The following GABPA variants were observed in gnomAD, a reference collection of about 807,000 sequenced individuals.
The protein encoded by GABPA is GA-binding protein alpha chain.
Under a neutral mutation model 59.4 loss-of-function variants are expected in GABPA, and 4 were observed. The ratio of observed to expected loss-of-function variants is 0.07; its 90% CI spans 0.03 to 0.15. GABPA has a LOEUF of 0.15. Ranked by LOEUF, GABPA falls within the 10% of genes least tolerant of loss-of-function variation. The pLI, the probability that GABPA is intolerant of heterozygous loss-of-function variation, is 1.00. For synonymous variants in GABPA, 164 were observed against 183.1 expected (o/e 0.90, Z 0.84); for missense variants, 251 against 543.8 (o/e 0.46, Z 5.36).
intron 9 of GABPA, 71 bp from the exon 10 acceptor site, chr21:25,768,933 A>C (rs934334602): frequency 6.1e-6 from 6 of 985,670 alleles, no homozygotes; most frequent in African/African-American, 1.7e-5. Context: ...CTGCTTATGG[A>C]ATAGTCTGTA....
chr21:25,738,352 C>T (rs974754223), intron 1 of GABPA, among the ~76,000 whole-genome samples: 2 of 152,160 alleles, frequency 1.3e-5, no homozygotes, highest in African/African-American at 4.8e-5. Flanking sequence ...ATGTGAATAT[C>T]CTTTTCCTAT....
At chr21:25,762,080 TA>T (rs2146093604) in intron 6 of GABPA, among the ~76,000 whole-genome samples, 1 of 152,320 alleles carries the variant, frequency 6.6e-6, no homozygotes, top group African/African-American at 2.4e-5. Flanking sequence ...TACTGAACAC[TA>T]AAAGACATTG....
Position 25,735,069 on chromosome 21 carries a change from G to T in GABPA, c.-536G>T, listed in dbSNP as rs1174361422. ...AAGCCAAACAGGAGGAGGAAGTGGAGGGTAAGTGCTTCCGGGTCCCCTGGC... is the reference window on the plus strand; with the variant it reads ...AAGCCAAACAGGAGGAGGAAGTGGATGGTAAGTGCTTCCGGGTCCCCTGGC... On this transcript the variant is annotated 5_prime_UTR_variant, in exon 1 of 10. The change creates a new upstream start codon in the 5' untranslated region. Transcript: ENST00000400075. 1.8e-6 allele frequency: 2 copies of T among 1,103,790 alleles called. No homozygotes were observed. Among genetic ancestry groups the T allele is most frequent in the African/African-American group, 3.1e-5 (2 of 64,448 alleles). 68.4% of individuals were successfully genotyped at this position (1,103,790 alleles called of 1,614,324 possible).
chr21:25,741,681 T>A lies in GABPA; in HGVS notation c.77+6T>A. 6.3e-7 allele frequency: 1 copy of A among 1,587,658 alleles called. No homozygotes were observed. The highest frequency in any genetic ancestry group is 8.6e-7 in the Non-Finnish European group (1 of 1,164,536). ...GCAGAGTGCACAGAAGAAAGGTTGG[T>A]GTTTCTGAATTTATCATTTTTTTTC... is the stretch of plus-strand genomic sequence containing the variant. On this transcript the variant is annotated splice_donor_region_variant and intron_variant, in intron 2 of 9. Coordinates refer to ENST00000400075, the MANE Select transcript of GABPA (RefSeq NM_002040.4).
chr21:25,771,937 A>G lies in GABPA; in HGVS notation c.*2705A>G, dbSNP rs1721634624. The G allele has an allele frequency of 6.6e-6, 1 of 152,072 alleles. No individual in the cohort carries two copies. The highest frequency in any genetic ancestry group is 2.1e-4 in the South Asian group (1 of 4,832). 9.4% of individuals were successfully genotyped at this position (152,072 alleles called of 1,614,324 possible). A position where few individuals can be genotyped will look rare whatever the true frequency, so the allele number is the denominator to read the frequency against. ...ATTGACTGATCACAGTTATTTTTGT[A>G]TCAGTCTATGTTATTAGGAAAAATT... is the stretch of plus-strand genomic sequence containing the variant. On this transcript the variant is annotated 3_prime_UTR_variant, in exon 10 of 10. Coordinates refer to ENST00000400075, the MANE Select transcript of GABPA (RefSeq NM_002040.4).
intron 5 of GABPA, among the ~76,000 whole-genome samples, chr21:25,754,880 G>A: frequency 6.6e-6 from 1 of 150,854 alleles, no homozygotes; most frequent in South Asian, 2.1e-4. Context: ...GGTAAAACCT[G>A]TTTCTACTAA....
chr21:25,744,682 T>C (rs1226820297), intron 2 of GABPA, among the ~76,000 whole-genome samples: 1 of 150,792 alleles, frequency 6.6e-6, no homozygotes. Flanking sequence ...TTAGGAAGAA[T>C]ATACATTTTT....
rs2146113033 is a variant in GABPA, at chr21:25,771,330, C to T, written c.*2098C>T. On this transcript the variant is annotated 3_prime_UTR_variant, in exon 10 of 10. Coordinates refer to ENST00000400075, the MANE Select transcript of GABPA (RefSeq NM_002040.4). ...AATGAAAATTTTTTTCTCATCTATG[C>T]AATTCCCATATGGTTTTTTTTTAAA... The T allele has an allele frequency of 8.1e-6, 1 of 124,184 alleles. No homozygotes were observed. Among genetic ancestry groups the T allele is most frequent in the East Asian group, 2.2e-4 (1 of 4,538 alleles). 7.7% of individuals were successfully genotyped at this position (124,184 alleles called of 1,614,324 possible). A position where few individuals can be genotyped will look rare whatever the true frequency, so the allele number is the denominator to read the frequency against.
At chr21:25,767,929 A>G (rs960215846) in intron 9 of GABPA, among the ~76,000 whole-genome samples, 1 of 152,122 alleles carries the variant, frequency 6.6e-6, no homozygotes, top group Non-Finnish European at 1.5e-5. Context: ...AGTGACTTTT[A>G]TCCTGCTAAA....
At chr21:25,739,867 C>G (rs949534377) in intron 1 of GABPA, among the ~76,000 whole-genome samples, 1 of 152,194 alleles carries the variant, frequency 6.6e-6, no homozygotes, top group Non-Finnish European at 1.5e-5. Flanking sequence ...GTCCTCTCTC[C>G]TCGATCTCCC....
intron 7 of GABPA, among the ~76,000 whole-genome samples, chr21:25,763,532 T>C (rs188345066): frequency 4.6e-4 from 70 of 152,304 alleles, no homozygotes; most frequent in African/African-American, 1.6e-3. Flanking sequence ...GAATTTTATG[T>C]TTATTACTGT....
intron 4 of GABPA, 119 bp from the exon 5 acceptor site, chr21:25,751,870 A>G: frequency 1.0e-6 from 1 of 990,208 alleles, no homozygotes; most frequent in Non-Finnish European, 1.5e-6. Context: ...AACTTTTACT[A>G]CATTTGCTTT....
rs1393810208 is a variant in GABPA, at chr21:25,771,461, C to T, written c.*2229C>T. The T allele has an allele frequency of 1.3e-5, 2 of 151,296 alleles. No homozygotes were observed. The highest frequency in any genetic ancestry group is 2.4e-5 in the African/African-American group (1 of 41,224). The allele number at this position is 151,296 out of a possible 1,614,324, so 9.4% of individuals were successfully genotyped here. ...TCAGATGCTTTTTTTTTCTTCTTAC[C>T]ATCATTTATGCATGACATAGGTAAT... On this transcript the variant is annotated 3_prime_UTR_variant, in exon 10 of 10. Transcript: ENST00000400075.
chr21:25,744,805 G>C (rs2035319244), intron 2 of GABPA, among the ~76,000 whole-genome samples: 1 of 151,848 alleles, frequency 6.6e-6, no homozygotes, highest in East Asian at 1.9e-4. Flanking sequence ...TTTTATGTGG[G>C]GAAGGGAAAT....
intron 3 of GABPA, among the ~76,000 whole-genome samples, chr21:25,748,702 CAG>C (rs1461946310): frequency 6.6e-6 from 1 of 152,098 alleles, no homozygotes; most frequent in Non-Finnish European, 1.5e-5. Flanking sequence ...TTATTCATGA[CAG>C]ATATAGCATT....
chr21:25,754,607 T>C (rs1398606180), intron 5 of GABPA, among the ~76,000 whole-genome samples: 4 of 151,642 alleles, frequency 2.6e-5, no homozygotes, highest in Non-Finnish European at 5.9e-5. Context: ...TCTGAGTATA[T>C]TGATTATATA....
intron 6 of GABPA, 58 bp from the exon 7 acceptor site, chr21:25,762,254 A>G: frequency 1.2e-6 from 1 of 868,648 alleles, no homozygotes; most frequent in African/African-American, 1.7e-5. Context: ...GTTTTATTGG[A>G]TTGGGGTTTT....
intron 1 of GABPA, among the ~76,000 whole-genome samples, chr21:25,738,661 G>A (rs2035141616): frequency 6.6e-6 from 1 of 152,128 alleles, no homozygotes; most frequent in South Asian, 2.1e-4. Context: ...ATTTTATATG[G>A]TGTGAAATAG....
intron 4 of GABPA, among the ~76,000 whole-genome samples, chr21:25,749,771 C>T (rs2035460869): frequency 6.6e-6 from 1 of 152,208 alleles, no homozygotes; most frequent in Non-Finnish European, 1.5e-5. Context: ...GTGGAGGTTG[C>T]AGTGAGCAGA....
Sources: allele counts gnomAD v4.1 joint callset (sites outside exome capture counted in the v4.1 genomes callset), GRCh38; gene constraint gnomAD v4.1.1; transcripts MANE v1.5; gene names NCBI Gene and HGNC (gene_info 2026-07-23, HGNC 2026-07-21).